The following HIP1 variants were observed in gnomAD, a reference collection of about 807,000 sequenced individuals.
HIP1 encodes huntingtin-interacting protein 1.
In HIP1, 65 loss-of-function variants were observed where a neutral mutation model predicts 147.6. The observed-to-expected ratio is 0.44, with a 90% CI of 0.36 to 0.54. The LOEUF is 0.54. HIP1 is among the 20% of genes least tolerant of loss of function. The pLI, the probability that HIP1 is intolerant of heterozygous loss-of-function variation, is 0.00. For synonymous variants in HIP1, 479 were observed against 504.0 expected (o/e 0.95, Z 0.67); for missense variants, 1,061 against 1,299.6 (o/e 0.82, Z 2.82).
chr7:75,586,013 G>T (rs587642083), intron 5 of HIP1, among the ~76,000 whole-genome samples: 1 of 150,866 alleles, frequency 6.6e-6, no homozygotes, highest in South Asian at 2.1e-4. Context: ...ACAGGATCTT[G>T]CTATGGCCCA....
At chr7:75,627,058 A>G (rs995479106) in intron 1 of HIP1, 1 of 152,182 alleles carries the variant, frequency 6.6e-6, no homozygotes, top group African/African-American at 2.4e-5. Flanking sequence ...CTGTTTCCTT[A>G]CTGCTGGTGC....
At chr7:75,658,353 G>A (rs1211613337) in intron 1 of HIP1, among the ~76,000 whole-genome samples, 1 of 152,306 alleles carries the variant, frequency 6.6e-6, no homozygotes, top group South Asian at 2.1e-4. Context: ...GCCTCCCAAA[G>A]TGTTGGGATT....
At chr7:75,722,046 G>A (rs139722946) in intron 1 of HIP1, among the ~76,000 whole-genome samples, 34 of 152,334 alleles carry the variant, frequency 2.2e-4, no homozygotes, top group African/African-American at 7.5e-4. Flanking sequence ...GCTCACACCC[G>A]TAATCCCAGC....
intron 1 of HIP1, among the ~76,000 whole-genome samples, chr7:75,621,160 T>C (rs1451519071): frequency 6.6e-6 from 1 of 152,082 alleles, no homozygotes; most frequent in East Asian, 1.9e-4. Context: ...TGAGCTACGA[T>C]AGGGCCACTG....
At chr7:75,607,186 C>T (rs1797254498) in intron 1 of HIP1, among the ~76,000 whole-genome samples, 1 of 148,468 alleles carries the variant, frequency 6.7e-6, no homozygotes, top group African/African-American at 2.5e-5. Context: ...CTGAGCAACA[C>T]AGTAAGGCAC....
intron 1 of HIP1, among the ~76,000 whole-genome samples, chr7:75,652,782 T>C (rs782561501): frequency 3.9e-5 from 6 of 152,150 alleles, no homozygotes; most frequent in Non-Finnish European, 7.4e-5. Flanking sequence ...AGAGGTAAAA[T>C]AGAAAGTCAT....
chr7:75,668,542 C>T (rs1030779592), intron 1 of HIP1, among the ~76,000 whole-genome samples: 9 of 152,092 alleles, frequency 5.9e-5, no homozygotes, highest in Non-Finnish European at 1.3e-4. Flanking sequence ...CCAGGCTGGT[C>T]TCGAACTCCT....
intron 29 of HIP1, among the ~76,000 whole-genome samples, chr7:75,539,858 T>G (rs1794238969): frequency 6.6e-6 from 1 of 152,220 alleles, no homozygotes; most frequent in Non-Finnish European, 1.5e-5. Flanking sequence ...GGGCTTATCT[T>G]CTGTTCCTCT....
intron 1 of HIP1, among the ~76,000 whole-genome samples, chr7:75,652,591 C>G (rs1799032337): frequency 6.6e-6 from 1 of 151,960 alleles, no homozygotes; most frequent in Non-Finnish European, 1.5e-5. Flanking sequence ...TCTTGAACTC[C>G]TGGGCTCAAG....
Position 75,536,403 on chromosome 7 carries a change from C to T in HIP1, c.*1769G>A. On this transcript the variant is annotated 3_prime_UTR_variant, in exon 31 of 31. Transcript: ENST00000336926. ...TCACAGTGATCAAACAGAAGTCTCA[C>T]AACCCGTCATGTAGCAAAACCTAGC... 4.4e-6 allele frequency: 1 copy of T among 225,622 alleles called. No homozygotes were observed. Among genetic ancestry groups the T allele is most frequent in the Non-Finnish European group, 8.8e-6 (1 of 113,132 alleles). The allele number at this position is 225,622 out of a possible 1,614,324, so 14.0% of individuals were successfully genotyped here. A position where few individuals can be genotyped will look rare whatever the true frequency, so the allele number is the denominator to read the frequency against.
At chr7:75,673,230 C>T (rs916484509) in intron 1 of HIP1, among the ~76,000 whole-genome samples, 12 of 152,146 alleles carry the variant, frequency 7.9e-5, no homozygotes, top group Non-Finnish European at 1.6e-4. Context: ...ACTATATTGA[C>T]CAGGCTGGTC....
At chr7:75,586,692 G>A (rs2116946313) in intron 5 of HIP1, 61 bp downstream of exon 5, 2 of 1,019,724 alleles carry the variant, frequency 2.0e-6, no homozygotes, top group African/African-American at 1.6e-5. Context: ...GCCCAGGGAG[G>A]GGCTGAAGGG....
rs557712088 is a variant in HIP1 at position 75,644,673 on chromosome 7, T to C, written c.121-45426A>G. Among the ~76,000 whole-genome samples the C allele has an allele frequency of 8.1e-4, 124 of 152,304 alleles. 1 individual carries two copies. Among genetic ancestry groups the C allele is most frequent in the Non-Finnish European group, 1.1e-3 (75 of 68,018 alleles). Reference sequence around the variant, plus strand: ...ATAACAGTAGTCATTGTCATTAAAATGACAGCAAATACGTAGGTTTTATGG... The same window carrying C: ...ATAACAGTAGTCATTGTCATTAAAACGACAGCAAATACGTAGGTTTTATGG... On this transcript the variant is annotated intron_variant, in intron 1 of 30. Coordinates refer to ENST00000336926, the MANE Select transcript of HIP1 (RefSeq NM_005338.7).
At chr7:75,668,267 C>T (rs1799620160) in intron 1 of HIP1, among the ~76,000 whole-genome samples, 1 of 152,208 alleles carries the variant, frequency 6.6e-6, no homozygotes, top group Admixed American at 6.5e-5. Flanking sequence ...GTCCCTCCTC[C>T]TGTTGAGAAC....
chr7:75,591,655 T>C (rs587614979), intron 4 of HIP1, among the ~76,000 whole-genome samples: 1 of 137,388 alleles, frequency 7.3e-6, no homozygotes, highest in Non-Finnish European at 1.5e-5. Context: ...GAGGCTGAGG[T>C]GGGAGGATCA....
intron 1 of HIP1, among the ~76,000 whole-genome samples, chr7:75,685,661 G>A (rs1253520473): frequency 6.6e-6 from 1 of 152,176 alleles, no homozygotes; most frequent in East Asian, 1.9e-4. Flanking sequence ...CAATTCTCCT[G>A]CCTCAGCCTC....
chr7:75,708,590 C>A (rs931853570), intron 1 of HIP1, among the ~76,000 whole-genome samples: 1 of 151,950 alleles, frequency 6.6e-6, no homozygotes, highest in Non-Finnish European at 1.5e-5. Context: ...TTTCCCAGCA[C>A]TATCTGGTGA....
At chr7:75,565,533 G>A (rs1161464118) in intron 9 of HIP1, among the ~76,000 whole-genome samples, 1 of 152,176 alleles carries the variant, frequency 6.6e-6, no homozygotes, top group African/African-American at 2.4e-5. Context: ...CTTGTCCTTC[G>A]CTTGCTCCTG....
At chr7:75,709,953 C>T (rs1171990586) in intron 1 of HIP1, among the ~76,000 whole-genome samples, 1 of 152,134 alleles carries the variant, frequency 6.6e-6, no homozygotes, top group Non-Finnish European at 1.5e-5. Context: ...CTCACTGCAC[C>T]CTCAACCTCC....
Sources: gnomAD v4.1 joint callset for allele counts (sites outside exome capture counted in the v4.1 genomes callset) on GRCh38, gnomAD v4.1.1 for gene constraint, MANE v1.5 for transcripts, NCBI Gene and HGNC (gene_info 2026-07-23, HGNC 2026-07-21) for gene names.